BRCA1: variants seen among roughly 807,000 people sequenced by gnomAD.
BRCA1 encodes the protein BRCA1 DNA repair associated.
Under a neutral mutation model 173.7 loss-of-function variants are expected in BRCA1, and 140 were observed. The ratio of observed to expected loss-of-function variants is 0.81; its 90% CI spans 0.70 to 0.93. The LOEUF is 0.93. Among genes scored for constraint, BRCA1 ranks in the 40% least tolerant of loss-of-function variants. BRCA1 has a pLI of 0.00. For missense variants in BRCA1, 1,983 were observed against 2,172.5 expected (o/e 0.91, Z 1.73); for synonymous variants, 662 against 756.0 (o/e 0.88, Z 2.04).
chr17:43,067,913 T>TAGAATACC (rs2052214332), intron 15 of BRCA1, among the ~76,000 whole-genome samples: 1 of 30,948 alleles, frequency 3.2e-5, no homozygotes, highest in Admixed American at 3.2e-4. Flanking sequence ...AAAAAAAAAA[T>TAGAATACC]AGAATACCAG....
intron 4 of BRCA1, among the ~76,000 whole-genome samples, chr17:43,106,110 C>T (rs1278895785): frequency 6.7e-6 from 1 of 148,366 alleles, no homozygotes; most frequent in African/African-American, 2.5e-5. Context: ...CAGAGCAGGA[C>T]CCTGTCTTAA....
Position 43,092,773 on chromosome 17 carries a change from C to A in BRCA1, c.2758G>T (p.Val920Leu), listed in dbSNP as rs80357361. The A allele has an allele frequency of 6.2e-7, 1 of 1,613,942 alleles. No homozygotes were observed. The highest frequency in any genetic ancestry group is 1.3e-5 in the African/African-American group (1 of 74,918). The change falls in exon 10 of 23, where the codon GTA (valine) becomes TTA (leucine). Residue 920 changes from valine (V) to leucine (L), a missense_variant. Transcript: ENST00000357654. ...QGKNESNIKP[V>L]QTVNITAGFP... ...CCTGCAGTGATATTAACTGTCTGTA[C>A]AGGCTTGATATTAGACTCATTCTTT...
At chr17:43,087,100 A>G (rs948454220) in intron 11 of BRCA1, among the ~76,000 whole-genome samples, 2 of 152,244 alleles carry the variant, frequency 1.3e-5, no homozygotes, top group African/African-American at 4.8e-5. Flanking sequence ...AGGGGCTGGA[A>G]GAGCATAAAC....
rs12936199 is a variant in BRCA1, at chr17:43,135,772, G to A, written c.-19-11657C>T. ...TGGCCCTCCCCTGATCTTCTGAATCGCAACAGCATCTCCCTCCCTCCAGGA... is the reference window on the plus strand; with the variant it reads ...TGGCCCTCCCCTGATCTTCTGAATCACAACAGCATCTCCCTCCCTCCAGGA... On this transcript the variant is annotated intron_variant, in intron 1 of 7. Transcript: ENST00000634433. Among the ~76,000 whole-genome samples, 1,476 of 152,286 alleles carry A rather than the reference G, an allele frequency of 9.7e-3. 34 individuals are homozygous for A. Among genetic ancestry groups the A allele is most frequent in the African/African-American group, 0.034 (1,413 of 41,566 alleles).
chr17:43,140,043 C>T (rs2056064065), intron 1 of BRCA1: 1 of 410,604 alleles, frequency 2.4e-6, no homozygotes, highest in Admixed American at 3.1e-5. Context: ...ACCAAAAATA[C>T]CTAACTATGG....
chr17:43,154,645 T>C (rs966442422), intron 1 of BRCA1, among the ~76,000 whole-genome samples: 1 of 151,088 alleles, frequency 6.6e-6, no homozygotes, highest in African/African-American at 2.4e-5. Flanking sequence ...TTCCTGAGAG[T>C]AATTCATTTA....
intron 8 of BRCA1, 29 bp downstream of exon 8, chr17:43,097,215 T>A (rs771982743): frequency 9.3e-6 from 15 of 1,604,300 alleles, no homozygotes; most frequent in Non-Finnish European, 1.3e-5. Context: ...AAATACCAGC[T>A]TCATAGACAA....
intron 14 of BRCA1, among the ~76,000 whole-genome samples, chr17:43,073,498 G>A (rs2052546448): frequency 1.3e-5 from 2 of 152,088 alleles, no homozygotes; most frequent in South Asian, 4.2e-4. Flanking sequence ...GCCAAACAGT[G>A]TCTTTTATGA....
chr17:43,050,259 C>A (rs1313103729), intron 20 of BRCA1: 3 of 395,546 alleles, frequency 7.6e-6, no homozygotes, highest in African/African-American at 2.1e-5. Flanking sequence ...CAGAGGTAAG[C>A]TTTATAGCAG....
At chr17:43,053,709 C>T (rs1348080910) in intron 19 of BRCA1, among the ~76,000 whole-genome samples, 2 of 151,774 alleles carry the variant, frequency 1.3e-5, no homozygotes, top group Non-Finnish European at 2.9e-5. Flanking sequence ...GGCGCGGTGG[C>T]CTGTAATCCT....
chr17:43,083,391 A>T (rs898587878), intron 11 of BRCA1, among the ~76,000 whole-genome samples: 1 of 152,018 alleles, frequency 6.6e-6, no homozygotes, highest in Non-Finnish European at 1.5e-5. Flanking sequence ...CCTGACCTCA[A>T]GTGATCAGCC....
upstream of BRCA1, among the ~76,000 whole-genome samples, chr17:43,126,779 G>A (rs1227711839): frequency 6.6e-6 from 1 of 152,208 alleles, no homozygotes; most frequent in African/African-American, 2.4e-5. Context: ...CGCTGTGGGG[G>A]CCCCTCTCTG....
rs56097721 is a variant in BRCA1 at position 43,145,553 on chromosome 17, C to T, written c.-19-21438G>A. On this transcript the variant is annotated intron_variant, in intron 1 of 7. Coordinates refer to the BRCA1 transcript ENST00000634433. ...GCATTAGCCAGGATGGTCTCGATCT[C>T]CTGACCTCGTGATCCGCCCGCCTCG... 8.3e-3 allele frequency among the ~76,000 whole-genome samples: 1,267 copies of T among 152,232 alleles called. 6 individuals carry two copies. The highest frequency in any genetic ancestry group is 0.014 in the Non-Finnish European group (963 of 67,996).
rs865911185 is a variant in BRCA1, at chr17:43,120,722, G to A, written c.80+3295C>T. On this transcript the variant is annotated intron_variant, in intron 2 of 22. Transcript: ENST00000357654. ...GGAGCTTGCAGTGAGCCGAGATGGC[G>A]CCACTGCACTCCGGCCTGGGTGAAA... 1.8e-3 allele frequency among the ~76,000 whole-genome samples: 270 copies of A among 152,076 alleles called. 2 individuals carry two copies. Among genetic ancestry groups the A allele is most frequent in the African/African-American group, 6.0e-3 (250 of 41,462 alleles).
intron 12 of BRCA1, among the ~76,000 whole-genome samples, chr17:43,078,286 T>C (rs986194953): frequency 2.6e-5 from 4 of 152,186 alleles, no homozygotes; most frequent in African/African-American, 9.7e-5. Flanking sequence ...GGTTTTACCA[T>C]GTTGGCCAGG....
chr17:43,045,850 G>A (rs755843861), intron 22 of BRCA1, 48 bp from the exon 23 acceptor site: 1 of 1,613,294 alleles, frequency 6.2e-7, no homozygotes, highest in Non-Finnish European at 8.5e-7. Context: ...TCATTCTCCT[G>A]GACTAGGCTC....
intron 1 of BRCA1, chr17:43,166,954 G>A (rs1033926817): frequency 6.6e-6 from 1 of 152,136 alleles, no homozygotes; most frequent in Non-Finnish European, 1.5e-5. Context: ...CAAATGGAGT[G>A]GGCAAGTTTC....
At chr17:43,143,064 AT>A (rs1392009519) in intron 1 of BRCA1, among the ~76,000 whole-genome samples, 1 of 149,278 alleles carries the variant, frequency 6.7e-6, no homozygotes, top group African/African-American at 2.5e-5. Flanking sequence ...GTATATATAT[AT>A]GTATATATAT....
intron 16 of BRCA1, among the ~76,000 whole-genome samples, chr17:43,064,196 C>T (rs1457665471): frequency 6.6e-6 from 1 of 152,164 alleles, no homozygotes; most frequent in Non-Finnish European, 1.5e-5. Context: ...CTGTCCACTC[C>T]CTCTTCTCAA....
Sources: gnomAD v4.1 joint callset for allele counts (sites outside exome capture counted in the v4.1 genomes callset) on GRCh38, gnomAD v4.1.1 for gene constraint, MANE v1.5 for transcripts, NCBI Gene and HGNC (gene_info 2026-07-23, HGNC 2026-07-21) for gene names.